COL28A1: variants seen among roughly 807,000 people sequenced by gnomAD.
The protein encoded by COL28A1 is collagen type XXVIII alpha 1 chain, also known as collagen alpha-1(XXVIII) chain.
COL28A1 carries 161 observed loss-of-function variants against 150.2 expected under a neutral mutation model. That is an observed-to-expected ratio of 1.07 (90% CI 0.94 to 1.22). COL28A1 has a LOEUF of 1.22. Ranked by LOEUF, COL28A1 falls within the 50% of genes most tolerant of loss-of-function variation. COL28A1 has a pLI of 0.00. For missense variants in COL28A1, 1,617 were observed against 1,388.3 expected, an observed-to-expected ratio of 1.16 and a Z score of -2.62; for synonymous variants, 552 against 469.7, an observed-to-expected ratio of 1.18 and a Z score of -2.26.
At chr7:7,361,305 T>TAA (rs1562461275) in intron 33 of COL28A1, among the ~76,000 whole-genome samples, 27 of 151,852 alleles carry the variant, frequency 1.8e-4, no homozygotes, top group African/African-American at 2.7e-4. Flanking sequence ...ACTTTTTTTT[T>TAA]AAAAATAGTG....
intron 13 of COL28A1, among the ~76,000 whole-genome samples, chr7:7,477,529 G>A (rs1271164422): frequency 1.3e-5 from 2 of 152,174 alleles, no homozygotes; most frequent in East Asian, 1.9e-4. Flanking sequence ...GAATGAAGCC[G>A]CGGACCCTCG....
At chr7:7,374,038 A>AAAAAAAAATATAT in intron 31 of COL28A1, among the ~76,000 whole-genome samples, 1 of 113,658 alleles carries the variant, frequency 8.8e-6, no homozygotes, top group African/African-American at 3.8e-5. Context: ...AAAAAAAAAA[A>AAAAAAAAATATAT]ATATATATAT....
chr7:7,464,948 A>G (rs1409728236), intron 15 of COL28A1, among the ~76,000 whole-genome samples: 1 of 152,218 alleles, frequency 6.6e-6, no homozygotes, highest in Non-Finnish European at 1.5e-5. Flanking sequence ...TTAGAAACGA[A>G]ACAGGAGATT....
At chr7:7,392,845 C>G (rs548546027) in intron 27 of COL28A1, among the ~76,000 whole-genome samples, 2 of 152,146 alleles carry the variant, frequency 1.3e-5, no homozygotes, top group African/African-American at 4.8e-5. Flanking sequence ...ATGTTCTTCT[C>G]TAAGCTAGTT....
downstream of COL28A1, among the ~76,000 whole-genome samples, chr7:7,352,137 T>C (rs1780243859): frequency 6.6e-6 from 1 of 152,222 alleles, no homozygotes; most frequent in South Asian, 2.1e-4. Context: ...TTTGGTTTGT[T>C]TGTTTTCTGA....
intron 3 of COL28A1, among the ~76,000 whole-genome samples, chr7:7,529,558 C>A (rs1782229051): frequency 6.6e-6 from 1 of 152,138 alleles, no homozygotes; most frequent in South Asian, 2.1e-4. Context: ...TGCCCAGGAA[C>A]AGACAAACAA....
intron 33 of COL28A1, among the ~76,000 whole-genome samples, chr7:7,360,907 C>A (rs1345543324): frequency 6.6e-6 from 1 of 152,130 alleles, no homozygotes; most frequent in African/African-American, 2.4e-5. Flanking sequence ...AGAAAATAAC[C>A]ACTCATTTCT....
chr7:7,443,735 A>G (rs983427752), intron 19 of COL28A1, 82 bp from the exon 20 acceptor site: 3 of 1,565,636 alleles, frequency 1.9e-6, no homozygotes, highest in African/African-American at 2.7e-5. Context: ...TCCTTTTATC[A>G]TTAGTGGATT....
chr7:7,492,340 G>A (rs189957935), intron 11 of COL28A1, among the ~76,000 whole-genome samples: 1 of 151,606 alleles, frequency 6.6e-6, no homozygotes, highest in East Asian at 1.9e-4. Context: ...TTGGGAGGCC[G>A]AGGCAGGTGA....
At chr7:7,400,389 A>G (rs1583293546) in intron 27 of COL28A1, among the ~76,000 whole-genome samples, 1 of 152,128 alleles carries the variant, frequency 6.6e-6, no homozygotes, top group African/African-American at 2.4e-5. Flanking sequence ...AAAGATGGAA[A>G]CCCTTGGCTT....
intron 25 of COL28A1, chr7:7,431,605 G>C: frequency 2.1e-6 from 1 of 471,144 alleles, no homozygotes. Flanking sequence ...AGCTGCAGTC[G>C]GGGCATGAAG....
At chr7:7,444,669 T>G (rs1416746124) in intron 18 of COL28A1, among the ~76,000 whole-genome samples, 180 bp from the exon 19 acceptor site, 1 of 152,192 alleles carries the variant, frequency 6.6e-6, no homozygotes, top group Non-Finnish European at 1.5e-5. Context: ...TTTTTGATTC[T>G]ATTTTTATGG....
chr7:7,439,866 G>A (rs562884175), intron 21 of COL28A1, among the ~76,000 whole-genome samples: 13 of 152,276 alleles, frequency 8.5e-5, no homozygotes, highest in African/African-American at 3.1e-4. Context: ...AGGTGATACC[G>A]ATGGACACTG....
chr7:7,524,091 C>A, intron 4 of COL28A1, 138 bp downstream of exon 4: 1 of 637,004 alleles, frequency 1.6e-6, no homozygotes, highest in East Asian at 2.7e-5. Context: ...ATGGCTGCCT[C>A]AGAATAGAGT....
intron 11 of COL28A1, among the ~76,000 whole-genome samples, chr7:7,501,619 G>C (rs748416757): frequency 2.6e-5 from 4 of 152,184 alleles, no homozygotes; most frequent in Non-Finnish European, 5.9e-5. Flanking sequence ...TTCAAAATTA[G>C]TTTTGGTAAC....
intron 11 of COL28A1, among the ~76,000 whole-genome samples, chr7:7,493,704 T>A (rs1233445485): frequency 6.6e-6 from 1 of 152,002 alleles, no homozygotes; most frequent in African/African-American, 2.4e-5. Context: ...CCTGAGGTAG[T>A]AAAGAAAGTG....
the COL28A1 span, among the ~76,000 whole-genome samples, chr7:7,349,347 C>T: frequency 6.6e-6 from 1 of 152,100 alleles, no homozygotes; most frequent in African/African-American, 2.4e-5. Flanking sequence ...GTGTGACAAG[C>T]ACTATTTCTA....
intron 4 of COL28A1, among the ~76,000 whole-genome samples, chr7:7,523,164 T>C (rs1414144914): frequency 1.2e-5 from 1 of 84,484 alleles, no homozygotes; most frequent in Non-Finnish European, 2.1e-5. Flanking sequence ...TTCTTTCTTT[T>C]CTTTTTTTTT....
intron 18 of COL28A1, among the ~76,000 whole-genome samples, chr7:7,450,637 C>T (rs143490670): frequency 6.2e-4 from 94 of 152,272 alleles, no homozygotes; most frequent in East Asian, 4.1e-3. Context: ...AAGACTCGCA[C>T]GCTCTATGAT....
Sources: allele counts gnomAD v4.1 joint callset (sites outside exome capture counted in the v4.1 genomes callset), GRCh38; gene constraint gnomAD v4.1.1; transcripts MANE v1.5; gene names NCBI Gene and HGNC (gene_info 2026-07-23, HGNC 2026-07-21).